Variants in PLK3 observed in about 807,000 individuals in gnomAD.
PLK3 encodes the protein serine/threonine-protein kinase PLK3.
Under a neutral mutation model 71.6 loss-of-function variants are expected in PLK3, and 41 were observed. The ratio of observed to expected loss-of-function variants is 0.57; its 90% CI spans 0.45 to 0.74. PLK3 has a LOEUF of 0.74. PLK3 is among the 30% of genes least tolerant of loss of function. The pLI, the probability that PLK3 is intolerant of heterozygous loss-of-function variation, is 0.00. For synonymous variants in PLK3, 366 were observed against 355.4 expected, an observed-to-expected ratio of 1.03 and a Z score of -0.33; for missense variants, 791 against 875.6, an observed-to-expected ratio of 0.90 and a Z score of 1.22.
In PLK3 at chr1:44,802,828, C is replaced by T. The variant is rs569317333; in HGVS notation, c.722C>T (p.Ala241Val). The change falls in exon 6 of 15, where the codon GCG (alanine) becomes GTG (valine). Residue 241 changes from alanine to valine, a missense_variant. Ala to Val is a moderately conservative substitution (Grantham distance 64). Coordinates refer to ENST00000372201, the MANE Select transcript of PLK3 (RefSeq NM_004073.4). ...VLLRQGHGPEADVWSLGCVMY... is the reference protein window; with the variant it reads ...VLLRQGHGPEVDVWSLGCVMY... ...CTGAGACAGGGCCACGGCCCTGAGG[C>T]GGATGTATGGTCACTGGGCTGTGTC... 25 of 1,613,780 alleles carry T rather than the reference C, an allele frequency of 1.5e-5. No homozygotes were observed. Among genetic ancestry groups the T allele is most frequent in the Middle Eastern group, 1.7e-4 (1 of 6,038 alleles).
chr1:44,801,017 C>G lies in PLK3; in HGVS notation c.319-19C>G. The G allele has an allele frequency of 6.2e-7, 1 of 1,609,178 alleles. No homozygotes were observed. Among genetic ancestry groups the G allele is most frequent in the Non-Finnish European group, 8.5e-7 (1 of 1,175,928 alleles). On this transcript the variant is annotated intron_variant, in intron 2 of 14. Transcript: ENST00000372201. ...CATGGGAACCATGGAAGGATGACGA[C>G]TCCGCGCCCTCATCGCAGATCCTAA...
In PLK3 at chr1:44,804,792, G is replaced by A. The variant is rs771456703; in HGVS notation, c.1635+13G>A. 7 of 1,613,162 alleles carry A rather than the reference G, an allele frequency of 4.3e-6. No individual in the cohort carries two copies. Among genetic ancestry groups the A allele is most frequent in the Non-Finnish European group, 5.9e-6 (7 of 1,179,438 alleles). ...GCACCTCATGAAGGTGTGAGGGCTG[G>A]GGCTGTGGTACATTGAAACCTAACC... On this transcript the variant is annotated intron_variant, in intron 13 of 14. Transcript: ENST00000372201.
intron 5 of PLK3, among the ~76,000 whole-genome samples, chr1:44,802,384 A>T (rs1000737791): frequency 8.5e-5 from 13 of 152,050 alleles, no homozygotes; most frequent in Non-Finnish European, 1.5e-5. Flanking sequence ...ATGAGTGTTT[A>T]TGGGGGTTGT....
rs1651962927 is a variant in PLK3 at position 44,804,761 on chromosome 1, G to A, written c.1617G>A (p.Met539Ile). The A allele has an allele frequency of 6.2e-7, 1 of 1,614,036 alleles. No homozygotes were observed. The highest frequency in any genetic ancestry group is 8.5e-7 in the Non-Finnish European group (1 of 1,179,936). Reference protein sequence around the residue: ...LGILRYFASYMEQHLMKGGDL... With the variant: ...LGILRYFASYIEQHLMKGGDL... The stretch of plus-strand genomic sequence containing the variant: ...TCCTGCGGTACTTCGCCTCCTACAT[G>A]GAGCAGCACCTCATGAAGGTGTGAG... Residue 539 changes from methionine to isoleucine, a missense_variant, in exon 13 of 15, where the codon ATG (methionine) becomes ATA (isoleucine). By Grantham distance (10) the Met-to-Ile change is conservative. Coordinates refer to ENST00000372201, the MANE Select transcript of PLK3 (RefSeq NM_004073.4).
chr1:44,805,220 G>C, intron 13 of PLK3, 46 bp from the exon 14 acceptor site: 1 of 1,246,768 alleles, frequency 8.0e-7, no homozygotes, highest in South Asian at 1.2e-5. Context: ...ATGGGGAGGG[G>C]GCTGTCTCAC....
chr1:44,802,836 T>C lies in PLK3; in HGVS notation c.730T>C (p.Trp244Arg). 1 of 1,613,744 alleles carries C rather than the reference T, an allele frequency of 6.2e-7. No homozygotes were observed. Among genetic ancestry groups the C allele is most frequent in the Non-Finnish European group, 8.5e-7 (1 of 1,179,634 alleles). ...GGGCCACGGCCCTGAGGCGGATGTA[T>C]GGTCACTGGGCTGTGTCATGTGAGT... ...RQGHGPEADV[W>R]SLGCVMYTLL... Residue 244 changes from tryptophan (W) to arginine (R), a missense_variant, in exon 6 of 15, where the codon TGG (tryptophan) becomes CGG (arginine). Coordinates refer to ENST00000372201, the MANE Select transcript of PLK3 (RefSeq NM_004073.4).
chr1:44,803,771 G>A lies in PLK3; in HGVS notation c.1164+80G>A, dbSNP rs1003870489. 3 of 1,246,048 alleles carry A rather than the reference G, an allele frequency of 2.4e-6. No individual in the cohort carries two copies. In the African/African-American group the frequency reaches 4.5e-5, roughly 19 times the overall value. 77.2% of individuals were successfully genotyped at this position (1,246,048 alleles called of 1,614,324 possible). On this transcript the variant is annotated intron_variant, in intron 9 of 14. Transcript: ENST00000372201. The surrounding 1 kb of genome is among the most constrained non-coding windows in gnomAD (Gnocchi z 4.3). ...AGGGAAGCCGGGGATAAAAGAGGCT[G>A]CTGAAGCATCCAGCCTCGTGGTGGC...
Position 44,803,273 on chromosome 1 carries a change from C to T in PLK3, c.954C>T (p.Tyr318=), listed in dbSNP as rs571501062. 6.2e-6 allele frequency: 10 copies of T among 1,614,098 alleles called. No homozygotes were observed. The highest frequency in any genetic ancestry group is 1.7e-4 in the Middle Eastern group (1 of 6,060). The change falls in exon 8 of 15, where the codon TAC becomes TAT. Residue 318 remains tyrosine (Y), a synonymous_variant. Coordinates refer to ENST00000372201, the MANE Select transcript of PLK3 (RefSeq NM_004073.4). This position sits in a 1 kb window ranked among gnomAD's most constrained non-coding sequence, Gnocchi z 4.3. ...CACATGGTTCCCCTCCCTAGGGCTA[C>T]ACCCCCGATCGACTCCCTATCAGCA... ...ILRHDFFTKG[Y]TPDRLPISSC...
In PLK3 at chr1:44,804,634, T is replaced by G; in HGVS notation, c.1506-16T>G. 1 of 1,611,914 alleles carries G rather than the reference T, an allele frequency of 6.2e-7. No individual in the cohort carries two copies. Among genetic ancestry groups the G allele is most frequent in the African/African-American group, 1.3e-5 (1 of 75,024 alleles). ...TTGGTGCAGGGCTCCCTCTGACCTCTGCCTCCCCATTCTAGGACTGTGCAC... is the reference window on the plus strand; with the variant it reads ...TTGGTGCAGGGCTCCCTCTGACCTCGGCCTCCCCATTCTAGGACTGTGCAC... On this transcript the variant is annotated splice_polypyrimidine_tract_variant and intron_variant, in intron 12 of 14. Coordinates refer to ENST00000372201, the MANE Select transcript of PLK3 (RefSeq NM_004073.4).
chr1:44,800,838 AG>A lies in PLK3; in HGVS notation c.215del, dbSNP rs767753648. On this transcript the variant is annotated splice_acceptor_variant, in intron 1 of 14. Transcript: ENST00000372201. LOFTEE classifies it high-confidence loss of function. This position sits in a 1 kb window ranked among gnomAD's most constrained non-coding sequence, Gnocchi z 6.5. ...AACCAGCCTGATGCCCCCTCTTCAC[AG>A]GGGGGCTTCGCCCGCTGCTACGAGG... 2 of 1,607,234 alleles carry A rather than the reference AG, an allele frequency of 1.2e-6. No homozygotes were observed. Among genetic ancestry groups the A allele is most frequent in the Admixed American group, 3.3e-5 (2 of 59,710 alleles).
Position 44,805,949 on chromosome 1 carries a change from C to T in PLK3, c.*271C>T. ...ACACTTATTTATTGGGATGTGAGCC[C>T]CAGGGGGGCCTCCTCCTAGGATAAT... On this transcript the variant is annotated 3_prime_UTR_variant, in exon 15 of 15. Coordinates refer to ENST00000372201, the MANE Select transcript of PLK3 (RefSeq NM_004073.4). 6.6e-7 allele frequency: 1 copy of T among 1,506,990 alleles called. No homozygotes were observed. The highest frequency in any genetic ancestry group is 1.3e-5 in the South Asian group (1 of 74,188). 93.4% of individuals were successfully genotyped at this position (1,506,990 alleles called of 1,614,324 possible).
chr1:44,805,517 A>T lies in PLK3; in HGVS notation c.1780A>T (p.Ile594Phe), dbSNP rs1243807301. ...CTTCTACGGGGACCACACCAAGCTG[A>T]TTCTCAGTGGCTGGGAGCCCCTCCT... ...VNFYGDHTKL[I>F]LSGWEPLLVT... The change falls in exon 15 of 15, where the codon ATT becomes TTT. Residue 594 changes from isoleucine (I) to phenylalanine (F), a missense_variant. Transcript: ENST00000372201. 1.9e-6 allele frequency: 3 copies of T among 1,614,042 alleles called. No homozygotes were observed. The highest frequency in any genetic ancestry group is 2.5e-6 in the Non-Finnish European group (3 of 1,180,020).
Position 44,804,643 on chromosome 1 carries a change from A to T in PLK3, c.1506-7A>T. On this transcript the variant is annotated splice_region_variant and splice_polypyrimidine_tract_variant and intron_variant, in intron 12 of 14. Transcript: ENST00000372201. ...GGCTCCCTCTGACCTCTGCCTCCCC[A>T]TTCTAGGACTGTGCACTACAATCCC... The T allele has an allele frequency of 6.2e-7, 1 of 1,613,194 alleles. No homozygotes were observed. The highest frequency in any genetic ancestry group is 8.5e-7 in the Non-Finnish European group (1 of 1,179,428).
Position 44,805,945 on chromosome 1 carries a change from A to G in PLK3, c.*267A>G. The G allele has an allele frequency of 6.6e-7, 1 of 1,503,994 alleles. No homozygotes were observed. The highest frequency in any genetic ancestry group is 8.9e-7 in the Non-Finnish European group (1 of 1,126,690). The allele number at this position is 1,503,994 out of a possible 1,614,324, so 93.2% of individuals were successfully genotyped here. A position where few individuals can be genotyped will look rare whatever the true frequency, so the allele number is the denominator to read the frequency against. ...TCAGACACTTATTTATTGGGATGTG[A>G]GCCCCAGGGGGGCCTCCTCCTAGGA... On this transcript the variant is annotated 3_prime_UTR_variant, in exon 15 of 15. Transcript: ENST00000372201.
chr1:44,802,527 C>G (rs1271330031), intron 5 of PLK3, among the ~76,000 whole-genome samples: 1 of 152,102 alleles, frequency 6.6e-6, no homozygotes, highest in Non-Finnish European at 1.5e-5. Context: ...GAGGAGAGGA[C>G]TGGGCTGGGG....
Position 44,800,745 on chromosome 1 carries a change from G to T in PLK3, c.210+72G>T. The T allele has an allele frequency of 6.5e-7, 1 of 1,536,618 alleles. No individual in the cohort carries two copies. The highest frequency in any genetic ancestry group is 1.2e-5 in the South Asian group (1 of 84,120). On this transcript the variant is annotated intron_variant, in intron 1 of 14. Coordinates refer to ENST00000372201, the MANE Select transcript of PLK3 (RefSeq NM_004073.4). The surrounding 1 kb of genome is among the most constrained non-coding windows in gnomAD (Gnocchi z 6.5). ...CCCGGCCGGCCTCTTTTCTGGCGCC[G>T]AGCAGGGCGTGGGCACTTGACCCCC...
Position 44,802,984 on chromosome 1 carries a change from T to C in PLK3, c.779T>C (p.Phe260Ser). Residue 260 changes from phenylalanine (F) to serine (S), a missense_variant, in exon 7 of 15, where the codon TTT becomes TCT. Phe to Ser is a radical substitution (Grantham distance 155). Transcript: ENST00000372201. ...ACGCTGCTCTGCGGGAGCCCTCCCTTTGAGACGGCTGACCTGAAGGAGACG... is the reference window on the plus strand; with the variant it reads ...ACGCTGCTCTGCGGGAGCCCTCCCTCTGAGACGGCTGACCTGAAGGAGACG... ...MYTLLCGSPP[F>S]ETADLKETYR... 1.2e-6 allele frequency: 2 copies of C among 1,613,946 alleles called. No homozygotes were observed. Among genetic ancestry groups the C allele is most frequent in the Non-Finnish European group, 1.7e-6 (2 of 1,179,924 alleles).
rs1198393731 is a variant in PLK3, at chr1:44,803,068, G to T, written c.863G>T (p.Arg288Leu). ...CCTGCCAGCCTCTCACTGCCTGCCC[G>T]GCAGCTCCTGGCCGCCATCCTTCGG... ...TLPASLSLPA[R>L]QLLAAILRAS... Residue 288 changes from arginine (R) to leucine (L), a missense_variant, in exon 7 of 15, where the codon CGG becomes CTG. Arg to Leu is a moderately radical substitution (Grantham distance 102). Transcript: ENST00000372201. This position sits in a 1 kb window ranked among gnomAD's most constrained non-coding sequence, Gnocchi z 4.3. 2 of 1,613,852 alleles carry T rather than the reference G, an allele frequency of 1.2e-6. No homozygotes were observed. The highest frequency in any genetic ancestry group is 3.3e-5 in the Admixed American group (2 of 60,020).
At chr1:44,802,478 G>A (rs1024123745) in intron 5 of PLK3, among the ~76,000 whole-genome samples, 22 of 152,214 alleles carry the variant, frequency 1.4e-4, no homozygotes, top group Admixed American at 1.3e-3. Flanking sequence ...GTGCAGGAAG[G>A]GGGAAGGGAT....
Sources: gnomAD v4.1 joint callset for allele counts (sites outside exome capture counted in the v4.1 genomes callset) on GRCh38, gnomAD v4.1.1 for gene constraint, Gnocchi (gnomAD v3.1) non-coding constraint, MANE v1.5 for transcripts, NCBI Gene and HGNC (gene_info 2026-07-23, HGNC 2026-07-21) for gene names.